The following SORBS2 variants were observed in gnomAD, a reference collection of about 807,000 sequenced individuals.
SORBS2 encodes sorbin and SH3 domain-containing protein 2.
Under a neutral mutation model 97.7 loss-of-function variants are expected in SORBS2, and 46 were observed. The observed-to-expected ratio is 0.47, with a 90% CI of 0.37 to 0.60. The LOEUF is 0.60. Ranked by LOEUF, SORBS2 falls within the 20% of genes least tolerant of loss-of-function variation. The pLI is 0.00. For missense variants in SORBS2, 1,316 were observed against 1,282.3 expected, an observed-to-expected ratio of 1.03 and a Z score of -0.40; for synonymous variants, 476 against 473.4, an observed-to-expected ratio of 1.01 and a Z score of -0.07.
intron 2 of SORBS2, among the ~76,000 whole-genome samples, chr4:185,750,264 A>G (rs966168259): frequency 6.6e-6 from 1 of 152,256 alleles, no homozygotes; most frequent in African/African-American, 2.4e-5. Flanking sequence ...GTGTATACCA[A>G]TTATGAACAA....
At chr4:185,733,517 T>TGGGC (rs942762143) in intron 2 of SORBS2, among the ~76,000 whole-genome samples, 4 of 152,186 alleles carry the variant, frequency 2.6e-5, no homozygotes, top group Admixed American at 2.6e-4. Flanking sequence ...TGCACATTGG[T>TGGGC]GGGCTGGAGG....
In SORBS2 at chr4:185,651,842, C is replaced by CTAGATG. The variant is rs1210856286; in HGVS notation, c.91+819_91+820insCATCTA. ...CTGTGTCATCATCTAGAAAATGAAACATAAATATTATGGTAATATAGATTG... is the reference window on the plus strand; with the variant it reads ...CTGTGTCATCATCTAGAAAATGAAACTAGATGATAAATATTATGGTAATATAGATTG... On this transcript the variant is annotated intron_variant, in intron 2 of 14. Coordinates refer to ENST00000418609, the Ensembl canonical transcript of SORBS2. The CTAGATG allele has an allele frequency of 6.4e-6, 8 of 1,251,850 alleles. No homozygotes were observed. Among genetic ancestry groups the CTAGATG allele is most frequent in the African/African-American group, 1.5e-5 (1 of 67,602 alleles). The allele number at this position is 1,251,850 out of a possible 1,614,324, so 77.5% of individuals were successfully genotyped here.
chr4:185,928,657 T>C (rs1268859920), intron 1 of SORBS2, among the ~76,000 whole-genome samples: 1 of 152,144 alleles, frequency 6.6e-6, no homozygotes, highest in Non-Finnish European at 1.5e-5. Flanking sequence ...GCCATTCTCC[T>C]GCCTCATCCT....
chr4:185,863,264 C>A lies in SORBS2; in HGVS notation c.-337-87898G>T, dbSNP rs111664795. ...TATAATATAGACCTTTATTGAGTGC[C>A]TGTGTGTGCCAGGCAATGTCGGGTA... On this transcript the variant is annotated intron_variant, in intron 1 of 20. Coordinates refer to the SORBS2 transcript ENST00000284776. Among the ~76,000 whole-genome samples, 136 of 151,680 alleles carry A rather than the reference C, an allele frequency of 9.0e-4. 2 individuals are homozygous for A. Among genetic ancestry groups the A allele is most frequent in the African/African-American group, 3.2e-3 (132 of 41,232 alleles).
At chr4:185,797,562 G>A (rs1483898534) in intron 1 of SORBS2, among the ~76,000 whole-genome samples, 1 of 152,148 alleles carries the variant, frequency 6.6e-6, no homozygotes, top group Non-Finnish European at 1.5e-5. Flanking sequence ...TTCTGCCTCT[G>A]ACGTGCCAGG....
intron 4 of SORBS2, chr4:185,676,917 A>T: frequency 8.4e-7 from 1 of 1,184,698 alleles, no homozygotes; most frequent in Non-Finnish European, 1.2e-6. Context: ...ATTAGGTCAT[A>T]TAAGAAGCCC....
At chr4:185,595,880 C>T (rs1281200004) in intron 12 of SORBS2, among the ~76,000 whole-genome samples, 1 of 151,886 alleles carries the variant, frequency 6.6e-6, no homozygotes, top group African/African-American at 2.4e-5. Flanking sequence ...AACTTCTGGC[C>T]AAAGAGTATG....
intron 1 of SORBS2, among the ~76,000 whole-genome samples, chr4:185,865,600 A>G (rs2099226450): frequency 1.3e-5 from 2 of 152,222 alleles, no homozygotes; most frequent in Admixed American, 6.5e-5. Context: ...ACAGAACACC[A>G]TTTCAAGAAC....
intron 2 of SORBS2, among the ~76,000 whole-genome samples, chr4:185,747,031 G>T (rs76795505): frequency 6.6e-6 from 1 of 152,050 alleles, no homozygotes; most frequent in African/African-American, 2.4e-5. Context: ...AGTGGCTCAC[G>T]CCTATGATGC....
intron 1 of SORBS2, among the ~76,000 whole-genome samples, chr4:185,939,821 T>C (rs1007341142): frequency 2.0e-5 from 3 of 152,136 alleles, no homozygotes; most frequent in Non-Finnish European, 2.9e-5. Context: ...GTCTCAACTT[T>C]CTTAACGCCC....
chr4:185,654,165 C>T (rs1354110685), intron 1 of SORBS2, among the ~76,000 whole-genome samples: 2 of 152,140 alleles, frequency 1.3e-5, no homozygotes, highest in Non-Finnish European at 2.9e-5. Context: ...GGCTCTTTCT[C>T]CATGGAAGAG....
At chr4:185,830,582 C>T (rs747125943) in intron 1 of SORBS2, among the ~76,000 whole-genome samples, 3 of 152,082 alleles carry the variant, frequency 2.0e-5, no homozygotes, top group Admixed American at 6.6e-5. Flanking sequence ...GTGGCTTCTT[C>T]GGGGAAAGTA....
At chr4:185,659,425 T>A (rs2097473473), upstream of SORBS2, among the ~76,000 whole-genome samples, 1 of 149,962 alleles carries the variant, frequency 6.7e-6, no homozygotes, top group South Asian at 2.2e-4. Context: ...TTTACTTCTT[T>A]ATTTTTTTTG....
At chr4:185,955,605 G>A (rs142063711) in intron 1 of SORBS2, among the ~76,000 whole-genome samples, 2 of 152,288 alleles carry the variant, frequency 1.3e-5, no homozygotes, top group Non-Finnish European at 2.9e-5. Context: ...ACTGAAACAA[G>A]AGCGCCTAAC....
At chr4:185,847,966 C>T (rs1441498609) in intron 1 of SORBS2, among the ~76,000 whole-genome samples, 1 of 152,194 alleles carries the variant, frequency 6.6e-6, no homozygotes, top group Non-Finnish European at 1.5e-5. Flanking sequence ...AGTCGCAGGG[C>T]TGACCTGGCC....
At chr4:185,925,441 C>G (rs1395573232) in intron 1 of SORBS2, among the ~76,000 whole-genome samples, 1 of 152,042 alleles carries the variant, frequency 6.6e-6, no homozygotes, top group East Asian at 1.9e-4. Context: ...TGAAAGTACT[C>G]AATGGATAAC....
At chr4:185,759,146 G>T (rs1280293214) in intron 2 of SORBS2, among the ~76,000 whole-genome samples, 1 of 152,206 alleles carries the variant, frequency 6.6e-6, no homozygotes, top group Non-Finnish European at 1.5e-5. Context: ...AGAGTGATGA[G>T]GATGTCAGGA....
intron 2 of SORBS2, among the ~76,000 whole-genome samples, chr4:185,749,660 T>C (rs1399622673): frequency 2.6e-5 from 4 of 152,246 alleles, no homozygotes. Context: ...GTTCAATGTA[T>C]GCATTAGTGT....
chr4:185,772,339 C>T (rs904141271), intron 2 of SORBS2: 1 of 152,094 alleles, frequency 6.6e-6, no homozygotes, highest in Admixed American at 6.5e-5. Flanking sequence ...CTGAACTTCT[C>T]AATGCTTGCA....
Sources: gnomAD v4.1 joint callset for allele counts (sites outside exome capture counted in the v4.1 genomes callset) on GRCh38, gnomAD v4.1.1 for gene constraint, MANE v1.5 for transcripts, NCBI Gene and HGNC (gene_info 2026-07-23, HGNC 2026-07-21) for gene names.